The following MYO15B variants were observed in gnomAD, a reference collection of about 807,000 sequenced individuals.
MYO15B encodes myosin XVB, also known as myosin XVB pseudogene.
Under a neutral mutation model 119.3 loss-of-function variants are expected in MYO15B, and 207 were observed. The ratio of observed to expected loss-of-function variants is 1.73; its 90% CI spans 1.55 to 1.95. The LOEUF (loss-of-function observed/expected upper bound fraction) is 1.95. Ranked by LOEUF, MYO15B falls within the 30% of genes most tolerant of loss-of-function variation. MYO15B has a pLI of 0.00. For missense variants in MYO15B, 2,264 were observed against 1,203.1 expected (o/e 1.88, Z -13.04); for synonymous variants, 966 against 498.9 (o/e 1.94, Z -12.48).
At chr17:75,596,705 A>G (rs772623941) in intron 13 of MYO15B, 63 bp from the exon 14 acceptor site, 72 of 677,262 alleles carry the variant, frequency 1.1e-4, no homozygotes, top group Admixed American at 2.1e-4. Flanking sequence ...TCAATGTACT[A>G]TTCTATAAGA....
At chr17:75,610,677 G>T (rs1039417288) in intron 22 of MYO15B, 32 of 575,204 alleles carry the variant, frequency 5.6e-5, no homozygotes, top group Non-Finnish European at 1.6e-5. Flanking sequence ...CCTTCTTCCT[G>T]CCCTCTTCCC....
intron 42 of MYO15B, 53 bp downstream of exon 42, chr17:75,617,975 G>A (rs369753992): frequency 2.7e-5 from 19 of 696,102 alleles, no homozygotes; most frequent in South Asian, 8.9e-5. Context: ...GCAGGGAGGC[G>A]GCAGGCTTTG....
chr17:75,623,739 C>T (rs574093568), intron 53 of MYO15B, 42 bp from the exon 54 acceptor site: 93 of 701,912 alleles, frequency 1.3e-4, no homozygotes, highest in African/African-American at 4.7e-4. Flanking sequence ...CCAGGCTCAC[C>T]GCTGCCATCC....
In MYO15B at chr17:75,625,524, T is replaced by A. The variant is rs544720746; in HGVS notation, c.8805-3T>A. On this transcript the variant is annotated splice_polypyrimidine_tract_variant and splice_region_variant and intron_variant, in intron 60 of 63. Coordinates refer to ENST00000645453, the Ensembl canonical transcript of MYO15B. ...CCAAACTGACCCTGGTCACACATCC[T>A]AGGCAGGACCTGCTAGCTTACGTGC... 1.1e-5 allele frequency: 8 copies of A among 703,060 alleles called. 1 individual carries two copies. Among genetic ancestry groups the A allele is most frequent in the African/African-American group, 8.7e-5 (5 of 57,374 alleles). The allele number at this position is 703,060 out of a possible 1,614,324, so 43.6% of individuals were successfully genotyped here.
intron 52 of MYO15B, 31 bp downstream of exon 52, chr17:75,621,601 T>C (rs2058716078): frequency 2.9e-6 from 2 of 697,568 alleles, no homozygotes; most frequent in Non-Finnish European, 5.3e-6. Context: ...TGGGTCCCCA[T>C]GTCTGCAGTG....
chr17:75,623,057 C>T (rs1019546700), intron 53 of MYO15B, among the ~76,000 whole-genome samples: 24 of 151,790 alleles, frequency 1.6e-4, no homozygotes, highest in African/African-American at 4.6e-4. Context: ...AGGGGCCGGG[C>T]GCGGCGGCTC....
chr17:75,591,135 A>G (rs1044473724), intron 3 of MYO15B, 37 bp from the exon 4 acceptor site: 1 of 702,614 alleles, frequency 1.4e-6, no homozygotes, highest in African/African-American at 1.7e-5. Context: ...GGAGGGTCCC[A>G]GGTCCCCATG....
chr17:75,607,741 G>A (rs760387118), intron 21 of MYO15B, among the ~76,000 whole-genome samples: 25 of 152,020 alleles, frequency 1.6e-4, no homozygotes, highest in Non-Finnish European at 2.9e-4. Context: ...GATTACAGGC[G>A]TGAGCCACTG....
At position 75,601,473 on chromosome 17, in the gene MYO15B, T is replaced by G. The variant is rs998122729; in HGVS notation, c.3561T>G (p.Tyr1187Ter). The change falls in exon 15 of 64, where the codon TAT (tyrosine) becomes TAG (stop). Residue 1187 changes from tyrosine to a stop codon, truncating the protein, a stop_gained. Transcript: ENST00000645453. LOFTEE classifies it high-confidence loss of function. ...ACACCTTCCTCCAGAAGAGCCACTA[T>G]CACCATGGTGACCACCCCAGCTATG... The G allele has an allele frequency of 5.7e-6, 4 of 702,926 alleles. No individual in the cohort carries two copies. Among genetic ancestry groups the G allele is most frequent in the African/African-American group, 1.7e-5 (1 of 57,246 alleles). The allele number at this position is 702,926 out of a possible 1,614,324, so 43.5% of individuals were successfully genotyped here.
chr17:75,607,717 T>C (rs1247457451), intron 21 of MYO15B, among the ~76,000 whole-genome samples: 1 of 152,124 alleles, frequency 6.6e-6, no homozygotes, highest in Non-Finnish European at 1.5e-5. Flanking sequence ...CGCCTCAGCC[T>C]CTCAAAGTGC....
rs1315498460 is a variant in MYO15B, at chr17:75,625,427, AGTCTT to A, written c.8805-98_8805-94del. On this transcript the variant is annotated intron_variant, in intron 60 of 63. Coordinates refer to ENST00000645453, the Ensembl canonical transcript of MYO15B. Reference sequence around the variant, plus strand: ...ACCTCATTCATGTGTATGGATGTCTAGTCTTGCCCACAATAGGCACTGGTTATTTG... The same window carrying A: ...ACCTCATTCATGTGTATGGATGTCTAGCCCACAATAGGCACTGGTTATTTG... 8.9e-6 allele frequency: 6 copies of A among 671,018 alleles called. No individual in the cohort carries two copies. In the African/African-American group the frequency reaches 1.1e-4, roughly 12 times the overall value. The allele number at this position is 671,018 out of a possible 1,614,324, so 41.6% of individuals were successfully genotyped here.
intron 21 of MYO15B, among the ~76,000 whole-genome samples, chr17:75,607,850 T>C (rs888251719): frequency 2.0e-5 from 3 of 152,208 alleles, no homozygotes; most frequent in African/African-American, 7.2e-5. Context: ...TGTTTAACTT[T>C]CTGAGGAGCT....
At position 75,611,877 on chromosome 17, in the gene MYO15B, T is replaced by G. The variant is rs1020767396; in HGVS notation, c.4505-9T>G. ...TGCTCCTGGGCTGCCTCCCGGTGCT[T>G]GTTCCCAGGCCATCGGGACGCCCTG... On this transcript the variant is annotated splice_polypyrimidine_tract_variant and intron_variant, in intron 24 of 63. Coordinates refer to ENST00000645453, the Ensembl canonical transcript of MYO15B. The G allele has an allele frequency of 1.4e-6, 1 of 702,906 alleles. No homozygotes were observed. Among genetic ancestry groups the G allele is most frequent in the Admixed American group, 2.0e-5 (1 of 50,000 alleles). 43.5% of individuals were successfully genotyped at this position (702,906 alleles called of 1,614,324 possible).
intron 19 of MYO15B, among the ~76,000 whole-genome samples, chr17:75,605,252 A>G (rs1404796282): frequency 1.3e-5 from 2 of 151,978 alleles, no homozygotes; most frequent in East Asian, 3.9e-4. Context: ...CCTGGCTAAC[A>G]CGGTGAAACC....
intron 43 of MYO15B, among the ~76,000 whole-genome samples, chr17:75,618,508 G>A (rs1408431077): frequency 1.3e-5 from 2 of 152,270 alleles, no homozygotes; most frequent in Admixed American, 1.3e-4. Flanking sequence ...CAAAAATCAG[G>A]CGTGGTGGCA....
At chr17:75,617,298 C>T (rs1231110373) in exon 41 of MYO15B, 24 of 637,168 alleles carry the variant, frequency 3.8e-5, no homozygotes, top group Non-Finnish European at 5.9e-5. Flanking sequence ...TTCAGCAGAG[C>T]GTCGTTGTAA....
intron 61 of MYO15B, 74 bp from the exon 62 acceptor site, chr17:75,625,770 C>A: frequency 1.4e-6 from 1 of 701,150 alleles, no homozygotes; most frequent in Non-Finnish European, 2.6e-6. Context: ...TCTCAGCTGA[C>A]CTGGGGGACC....
At chr17:75,614,329 C>T (rs1456375377) in exon 30 of MYO15B, 3 of 702,726 alleles carry the variant, frequency 4.3e-6, no homozygotes, top group Admixed American at 2.0e-5. Flanking sequence ...CCCAGCTCGC[C>T]CCCGCAGCTA....
intron 59 of MYO15B, 100 bp from the exon 60 acceptor site, chr17:75,625,022 TG>T: frequency 4.5e-6 from 3 of 661,050 alleles, no homozygotes; most frequent in East Asian, 5.4e-5. Context: ...CTGTGGTGGC[TG>T]GGGGGTGACA....
Sources: gnomAD v4.1 joint callset for allele counts (sites outside exome capture counted in the v4.1 genomes callset) on GRCh38, gnomAD v4.1.1 for gene constraint, MANE v1.5 for transcripts, NCBI Gene and HGNC (gene_info 2026-07-23, HGNC 2026-07-21) for gene names.